The following WFS1 variants were observed in gnomAD, a reference collection of about 807,000 sequenced individuals.
WFS1 encodes wolframin.
A neutral mutation model predicts 68.5 loss-of-function variants in WFS1; 90 were observed. That is an observed-to-expected ratio of 1.31 (90% CI 1.11 to 1.56). The LOEUF (loss-of-function observed/expected upper bound fraction) is 1.56. Among genes scored for constraint, WFS1 ranks in the 40% most tolerant of loss-of-function variants. WFS1 has a pLI of 0.00. For missense variants in WFS1, 1,767 were observed against 1,232.6 expected, an observed-to-expected ratio of 1.43 and a Z score of -6.49; for synonymous variants, 860 against 540.7, an observed-to-expected ratio of 1.59 and a Z score of -8.19.
At chr4:6,274,771 G>C (rs1243696506) in intron 1 of WFS1, among the ~76,000 whole-genome samples, 1 of 152,194 alleles carries the variant, frequency 6.6e-6, no homozygotes, top group Non-Finnish European at 1.5e-5. Flanking sequence ...TTTGTATGCT[G>C]ATGTTGAAGG....
At position 6,295,180 on chromosome 4, in the gene WFS1, G is replaced by C; in HGVS notation, c.852G>C (p.Leu284=). The C allele has an allele frequency of 6.2e-7, 1 of 1,611,774 alleles. No individual in the cohort carries two copies. Among genetic ancestry groups the C allele is most frequent in the Non-Finnish European group, 8.5e-7 (1 of 1,180,026 alleles). Residue 284 remains leucine (L), a synonymous_variant, in exon 7 of 8, where the codon CTG becomes CTC. Transcript: ENST00000226760. ...GGAAGAGCCCTGAGGACCTGCCACT[G>C]CGTCTGAAGGTGAGTGACCAAGACC... The part of the protein sequence containing the change: ...LAGKSPEDLP[L]RLKVVKYPLH...
At chr4:6,271,150 T>C (rs1729827065) in intron 1 of WFS1, among the ~76,000 whole-genome samples, 2 of 152,224 alleles carry the variant, frequency 1.3e-5, no homozygotes, top group African/African-American at 4.8e-5. Flanking sequence ...GAGGCCACCT[T>C]TGTCACTGTC....
intron 1 of WFS1, among the ~76,000 whole-genome samples, chr4:6,271,210 C>G (rs1729828887): frequency 1.3e-5 from 2 of 152,340 alleles, no homozygotes; most frequent in African/African-American, 4.8e-5. Context: ...CATGGGGTCT[C>G]CGTTGTATCC....
In WFS1 at chr4:6,301,375, C is replaced by T. The variant is rs372663248; in HGVS notation, c.1580C>T (p.Thr527Ile). 102 of 1,612,440 alleles carry T rather than the reference C, an allele frequency of 6.3e-5. No homozygotes were observed. Among genetic ancestry groups the T allele is most frequent in the Non-Finnish European group, 7.5e-5 (88 of 1,180,040 alleles). Reference sequence around the variant, plus strand: ...GCACAGCTGAGGAATTTCAAGGGCACCTACTGCTACCTTGTGCCCTACCTG... The same window carrying T: ...GCACAGCTGAGGAATTTCAAGGGCATCTACTGCTACCTTGTGCCCTACCTG... ...RMAQLRNFKG[T>I]YCYLVPYLVC... Residue 527 changes from threonine (T) to isoleucine (I), a missense_variant, in exon 8 of 8, where the codon ACC becomes ATC. Thr to Ile is a moderately conservative substitution (Grantham distance 89). Coordinates refer to ENST00000226760, the MANE Select transcript of WFS1 (RefSeq NM_006005.3).
chr4:6,270,268 C>T (rs1055996356), intron 1 of WFS1, among the ~76,000 whole-genome samples: 1 of 151,524 alleles, frequency 6.6e-6, no homozygotes, highest in African/African-American at 2.4e-5. Context: ...CCCCCGCGCG[C>T]TGTCGCCTGG....
intron 7 of WFS1, among the ~76,000 whole-genome samples, chr4:6,299,854 AATGCGTGTGTGTAGGGGTGGGCTGC>A (rs1291132242): frequency 8.1e-5 from 8 of 98,198 alleles, no homozygotes; most frequent in African/African-American, 2.9e-4. Context: ...GGGTTGTGTG[AATGCGTGTGTGTAGGGGTGGGCTGC>A]ATGTGTGTGT....
intron 1 of WFS1, among the ~76,000 whole-genome samples, chr4:6,272,171 C>T (rs1193146544): frequency 6.6e-6 from 1 of 152,240 alleles, no homozygotes; most frequent in Non-Finnish European, 1.5e-5. Context: ...GTTAACCCTT[C>T]CCATCTAGAT....
In WFS1 at chr4:6,301,699, T is replaced by A; in HGVS notation, c.1904T>A (p.Leu635His). The A allele has an allele frequency of 1.2e-6, 2 of 1,614,094 alleles. No individual in the cohort carries two copies. The highest frequency in any genetic ancestry group is 1.7e-6 in the Non-Finnish European group (2 of 1,180,040). ...KSLTRSSMVKLILVWLTAIVL... is the reference protein window; with the variant it reads ...KSLTRSSMVKHILVWLTAIVL... ...CTGACGCGGAGCTCCATGGTCAAGC[T>A]CATCCTGGTGTGGCTCACGGCCATC... is the stretch of plus-strand genomic sequence containing the variant. Residue 635 changes from leucine to histidine, a missense_variant, in exon 8 of 8, where the codon CTC (leucine) becomes CAC (histidine). Leu to His is a moderately conservative substitution (Grantham distance 99, BLOSUM62 -3). Coordinates refer to ENST00000226760, the MANE Select transcript of WFS1 (RefSeq NM_006005.3).
rs368446518 is a variant in WFS1 at position 6,280,510 on chromosome 4, G to A, written c.232+2823G>A. ...AGCCTCACTCAGCCACCGTGACACGGCTGTGCGAGTCCACGCCCTGGCAGA... is the reference window on the plus strand; with the variant it reads ...AGCCTCACTCAGCCACCGTGACACGACTGTGCGAGTCCACGCCCTGGCAGA... On this transcript the variant is annotated intron_variant, in intron 2 of 7. Coordinates refer to ENST00000226760, the MANE Select transcript of WFS1 (RefSeq NM_006005.3). Among the ~76,000 whole-genome samples the A allele has an allele frequency of 1.3e-3, 191 of 152,342 alleles. 7 individuals are homozygous for A. In the South Asian group the frequency reaches 0.038, roughly 30 times the overall value.
chr4:6,275,818 C>T (rs777036036), intron 1 of WFS1, among the ~76,000 whole-genome samples: 1 of 152,144 alleles, frequency 6.6e-6, no homozygotes, highest in African/African-American at 2.4e-5. Flanking sequence ...CACAGCTGCC[C>T]CCAAAAGTGA....
At chr4:6,293,127 T>G (rs1042465509) in intron 6 of WFS1, among the ~76,000 whole-genome samples, 5 of 152,084 alleles carry the variant, frequency 3.3e-5, no homozygotes, top group African/African-American at 1.2e-4. Context: ...TGTCCTGAAG[T>G]GAGGTGCCTC....
intron 6 of WFS1, chr4:6,294,745 G>A: frequency 6.9e-6 from 3 of 433,698 alleles, no homozygotes; most frequent in Non-Finnish European, 1.3e-5. Context: ...AGGTGTGGGT[G>A]AGTGGCCCCA....
intron 4 of WFS1, 78 bp downstream of exon 4, chr4:6,289,209 A>T (rs953083078): frequency 2.7e-6 from 4 of 1,501,554 alleles, no homozygotes; most frequent in East Asian, 2.5e-5. Flanking sequence ...GAACAACTAA[A>T]ATCTTACCAA....
chr4:6,302,680 G>A lies in WFS1; in HGVS notation c.*212G>A. On this transcript the variant is annotated 3_prime_UTR_variant, in exon 8 of 8. Transcript: ENST00000226760. ...TCCACTCTGAATACCAAGTGTGTTG[G>A]GAATTGCATGCCATCTCCACCCTGA... 1.5e-6 allele frequency: 1 copy of A among 688,148 alleles called. No homozygotes were observed. Among genetic ancestry groups the A allele is most frequent in the South Asian group, 1.9e-5 (1 of 52,234 alleles). 42.6% of individuals were successfully genotyped at this position (688,148 alleles called of 1,614,324 possible). A position where few individuals can be genotyped will look rare whatever the true frequency, so the allele number is the denominator to read the frequency against.
Position 6,301,606 on chromosome 4 carries a change from G to T in WFS1, c.1811G>T (p.Cys604Phe). 3 of 1,614,188 alleles carry T rather than the reference G, an allele frequency of 1.9e-6. No individual in the cohort carries two copies. Among genetic ancestry groups the T allele is most frequent in the Non-Finnish European group, 2.5e-6 (3 of 1,180,032 alleles). The part of the protein sequence containing the change: ...LTKIAVTVAV[C>F]SVPLLLRWWT... ...AAGATCGCAGTCACCGTGGCGGTCT[G>T]TAGTGTGCCCCTGCTGTTGCGCTGG... is the stretch of plus-strand genomic sequence containing the variant. The change falls in exon 8 of 8, where the codon TGT becomes TTT. Residue 604 changes from cysteine to phenylalanine, a missense_variant. By Grantham distance (205) the Cys-to-Phe change is radical. Transcript: ENST00000226760.
In WFS1 at chr4:6,301,283, GGTC is replaced by G. The variant is rs1560419375; in HGVS notation, c.1492_1494del (p.Val498del). 6.2e-7 allele frequency: 1 copy of G among 1,611,470 alleles called. No homozygotes were observed. Among genetic ancestry groups the G allele is most frequent in the Non-Finnish European group, 8.5e-7 (1 of 1,180,028 alleles). On this transcript the variant is annotated inframe_deletion, in exon 8 of 8. Transcript: ENST00000226760. ...TCATCACCGTGCCTGTCGGCCACCT[GGTC>G]GTCCTCAACGTCAGCGTCCCGTGCC...
rs150936382 is a variant in WFS1 at position 6,302,165 on chromosome 4, G to A, written c.2370G>A (p.Ser790=). 1,241 of 1,611,772 alleles carry A rather than the reference G, an allele frequency of 7.7e-4. 10 individuals are homozygous for A. The African/African-American group carries it at 0.013, about 17-fold the overall frequency. The part of the protein sequence containing the change: ...GMPFSSGADG[S]RSREEDDVTK... ...CATTCAGCAGCGGCGCTGACGGCTC[G>A]CGCAGCCGCGAGGAGGACGACGTCA... Residue 790 remains serine (S), a synonymous_variant, in exon 8 of 8, where the codon TCG becomes TCA. Coordinates refer to ENST00000226760, the MANE Select transcript of WFS1 (RefSeq NM_006005.3).
intron 5 of WFS1, 24 bp downstream of exon 5, chr4:6,291,391 C>G: frequency 6.2e-7 from 1 of 1,609,802 alleles, no homozygotes. Context: ...CCCTGGGCAC[C>G]AGCCTTCCCT....
At chr4:6,275,928 A>T (rs1044401697) in intron 1 of WFS1, among the ~76,000 whole-genome samples, 4 of 152,110 alleles carry the variant, frequency 2.6e-5, no homozygotes, top group African/African-American at 9.7e-5. Flanking sequence ...GTCTGGTCTC[A>T]CTGGTCCTCA....
Sources: gnomAD v4.1 joint callset for allele counts (sites outside exome capture counted in the v4.1 genomes callset) on GRCh38, gnomAD v4.1.1 for gene constraint, MANE v1.5 for transcripts, NCBI Gene and HGNC (gene_info 2026-07-23, HGNC 2026-07-21) for gene names.